Variants in EPHA7 observed in about 807,000 individuals in gnomAD.
The protein encoded by EPHA7 is ephrin type-A receptor 7.
EPHA7 carries 25 observed loss-of-function variants against 112.6 expected under a neutral mutation model. The ratio of observed to expected loss-of-function variants is 0.22; its 90% CI spans 0.16 to 0.31. The LOEUF is 0.31. Ranked by LOEUF, EPHA7 falls within the 10% of genes least tolerant of loss-of-function variation. The pLI, the probability that EPHA7 is intolerant of heterozygous loss-of-function variation, is 1.00. For synonymous variants in EPHA7, 437 were observed against 406.5 expected (o/e 1.07, Z -0.90); for missense variants, 962 against 1,212.6 (o/e 0.79, Z 3.07).
chr6:93,336,709 C>T (rs556528319), intron 5 of EPHA7, among the ~76,000 whole-genome samples: 37 of 152,024 alleles, frequency 2.4e-4, no homozygotes, highest in Admixed American at 1.4e-3. Context: ...CTCCTTTTAC[C>T]CTTTTAAGAA....
At chr6:93,280,344 G>T (rs17447672) in intron 5 of EPHA7, among the ~76,000 whole-genome samples, 9,254 of 152,178 alleles carry the variant, frequency 0.061, 372 homozygotes, top group Middle Eastern at 0.11. Context: ...TCTATAATCT[G>T]CAAGTGATAA....
chr6:93,349,767 G>T (rs962241337), intron 5 of EPHA7, among the ~76,000 whole-genome samples: 2 of 151,606 alleles, frequency 1.3e-5, no homozygotes, highest in Non-Finnish European at 2.9e-5. Flanking sequence ...AAATTTAAAT[G>T]GAATTAATTT....
chr6:93,399,646 T>A (rs1376795687), intron 3 of EPHA7, among the ~76,000 whole-genome samples: 2 of 152,160 alleles, frequency 1.3e-5, no homozygotes, highest in African/African-American at 4.8e-5. Context: ...CTATGTTGAC[T>A]TTTGTTTTCC....
chr6:93,339,771 C>T (rs947946595), intron 5 of EPHA7, among the ~76,000 whole-genome samples: 1 of 151,676 alleles, frequency 6.6e-6, no homozygotes, highest in African/African-American at 2.4e-5. Flanking sequence ...ATATTTTTGG[C>T]ATGTCAATAC....
intron 9 of EPHA7, among the ~76,000 whole-genome samples, chr6:93,260,184 G>C (rs1770623067): frequency 6.6e-6 from 1 of 151,876 alleles, no homozygotes; most frequent in South Asian, 2.1e-4. Context: ...CGATTTGAAA[G>C]AGGAATGGTT....
At chr6:93,415,727 A>C (rs1779189411) in intron 1 of EPHA7, among the ~76,000 whole-genome samples, 1 of 152,130 alleles carries the variant, frequency 6.6e-6, no homozygotes, top group African/African-American at 2.4e-5. Context: ...CAAATGCATC[A>C]ATTTGTCCAG....
At chr6:93,409,174 TG>T (rs1244485237) in intron 3 of EPHA7, among the ~76,000 whole-genome samples, 1 of 152,064 alleles carries the variant, frequency 6.6e-6, no homozygotes, top group African/African-American at 2.4e-5. Context: ...GAGAATTTTA[TG>T]GGGAAGTAAT....
At chr6:93,257,188 T>C (rs1263815323) in intron 12 of EPHA7, among the ~76,000 whole-genome samples, 1 of 152,084 alleles carries the variant, frequency 6.6e-6, no homozygotes, top group Non-Finnish European at 1.5e-5. Flanking sequence ...TTTTATAACA[T>C]GAATTCAAAT....
At chr6:93,290,793 T>C (rs1036160170) in intron 5 of EPHA7, among the ~76,000 whole-genome samples, 9 of 152,136 alleles carry the variant, frequency 5.9e-5, no homozygotes, top group African/African-American at 2.2e-4. Context: ...AGCGAGGCTC[T>C]TACGAATGCC....
At chr6:93,384,312 A>C (rs1167205321) in intron 3 of EPHA7, among the ~76,000 whole-genome samples, 1 of 152,074 alleles carries the variant, frequency 6.6e-6, no homozygotes, top group African/African-American at 2.4e-5. Context: ...ATTTTTCCAA[A>C]AGAAGTTGTT....
At chr6:93,259,286 A>G (rs1770581213) in intron 10 of EPHA7, 68 bp downstream of exon 10, 1 of 1,589,288 alleles carries the variant, frequency 6.3e-7, no homozygotes, top group Non-Finnish European at 8.6e-7. Context: ...TTTGCCTGTC[A>G]TTATGATGTA....
chr6:93,343,016 A>T (rs1215789240), intron 5 of EPHA7, among the ~76,000 whole-genome samples: 1 of 151,766 alleles, frequency 6.6e-6, no homozygotes, highest in African/African-American at 2.4e-5. Flanking sequence ...AAATAATAAT[A>T]ACCTAAGCAT....
intron 5 of EPHA7, among the ~76,000 whole-genome samples, chr6:93,299,778 G>C (rs1582475557): frequency 6.6e-6 from 1 of 152,182 alleles, no homozygotes; most frequent in Non-Finnish European, 1.5e-5. Flanking sequence ...ATACACCATG[G>C]AATACTATGC....
chr6:93,335,706 T>C (rs567843017), intron 5 of EPHA7, among the ~76,000 whole-genome samples: 4 of 152,110 alleles, frequency 2.6e-5, no homozygotes, highest in Admixed American at 6.6e-5. Flanking sequence ...ACAATTAAAA[T>C]ACAGACATGG....
intron 5 of EPHA7, among the ~76,000 whole-genome samples, chr6:93,276,103 C>T (rs1771456970): frequency 6.6e-6 from 1 of 151,964 alleles, no homozygotes; most frequent in Non-Finnish European, 1.5e-5. Context: ...ATCTCTGAAA[C>T]ATGTAAATAT....
At chr6:93,282,763 G>A (rs1050952973) in intron 5 of EPHA7, among the ~76,000 whole-genome samples, 1 of 152,136 alleles carries the variant, frequency 6.6e-6, no homozygotes, top group Admixed American at 6.5e-5. Flanking sequence ...TGCCAGCCCC[G>A]AGCAGTGAGG....
intron 14 of EPHA7, among the ~76,000 whole-genome samples, chr6:93,248,297 A>G (rs1454114401): frequency 1.3e-5 from 2 of 152,112 alleles, no homozygotes; most frequent in Admixed American, 1.3e-4. Context: ...TAATGAGTAC[A>G]GTACTTGGCA....
chr6:93,408,241 C>A (rs550258447), intron 3 of EPHA7, among the ~76,000 whole-genome samples: 93 of 152,082 alleles, frequency 6.1e-4, no homozygotes, highest in African/African-American at 2.1e-3. Context: ...TCAAGTTCTG[C>A]ATAATATTGA....
chr6:93,246,424 C>G (rs1477504809), intron 15 of EPHA7, among the ~76,000 whole-genome samples: 3 of 152,064 alleles, frequency 2.0e-5, no homozygotes, highest in African/African-American at 7.2e-5. Context: ...TAAATAGATA[C>G]TATGCATATA....
Sources: allele counts gnomAD v4.1 joint callset (sites outside exome capture counted in the v4.1 genomes callset), GRCh38; gene constraint gnomAD v4.1.1; transcripts MANE v1.5; gene names NCBI Gene and HGNC (gene_info 2026-07-23, HGNC 2026-07-21).